The following NFATC3 variants were observed in gnomAD, a reference collection of about 807,000 sequenced individuals.
NFATC3 encodes nuclear factor of activated T-cells, cytoplasmic 3.
In NFATC3, 46 loss-of-function variants were observed where a neutral mutation model predicts 98.6. The ratio of observed to expected loss-of-function variants is 0.47; its 90% CI spans 0.37 to 0.60. The LOEUF (loss-of-function observed/expected upper bound fraction) is 0.60. Ranked by LOEUF, NFATC3 falls within the 20% of genes least tolerant of loss-of-function variation. The pLI is 0.00. For missense variants in NFATC3, 1,256 were observed against 1,295.5 expected, an observed-to-expected ratio of 0.97 and a Z score of 0.47; for synonymous variants, 512 against 472.2, an observed-to-expected ratio of 1.08 and a Z score of -1.09.
At chr16:68,184,066 G>A (rs1194289490) in intron 8 of NFATC3, among the ~76,000 whole-genome samples, 2 of 150,010 alleles carry the variant, frequency 1.3e-5, no homozygotes, top group African/African-American at 2.4e-5. Flanking sequence ...TCAGACTTGT[G>A]TTTCAAAATC....
intron 8 of NFATC3, among the ~76,000 whole-genome samples, chr16:68,189,003 C>G (rs1210355447): frequency 6.6e-6 from 1 of 152,162 alleles, no homozygotes; most frequent in Non-Finnish European, 1.5e-5. Flanking sequence ...CCACTGCGCC[C>G]AGCCCCAACT....
At chr16:68,150,771 G>T (rs1191819213) in intron 3 of NFATC3, among the ~76,000 whole-genome samples, 4 of 152,178 alleles carry the variant, frequency 2.6e-5, no homozygotes, top group Admixed American at 1.3e-4. Flanking sequence ...GAGGCCAGAT[G>T]GGGGTAATTG....
chr16:68,161,074 A>G (rs1301442206), intron 4 of NFATC3, among the ~76,000 whole-genome samples: 1 of 152,206 alleles, frequency 6.6e-6, no homozygotes, highest in Non-Finnish European at 1.5e-5. Context: ...TTTCTTGAGG[A>G]AAAATATTGA....
At chr16:68,157,151 G>GA (rs202215746) in intron 3 of NFATC3, among the ~76,000 whole-genome samples, 70 of 139,914 alleles carry the variant, frequency 5.0e-4, no homozygotes, top group Admixed American at 1.7e-3. Flanking sequence ...CAATATAAAA[G>GA]AAAAAAAAAA....
chr16:68,091,168 TTAG>T (rs1297149919), intron 1 of NFATC3, among the ~76,000 whole-genome samples: 1 of 152,206 alleles, frequency 6.6e-6, no homozygotes, highest in Non-Finnish European at 1.5e-5. Flanking sequence ...TTCTTAACTA[TTAG>T]TAGAAGTAAT....
In NFATC3 at chr16:68,121,971, G is replaced by C. The variant is rs772371265; in HGVS notation, c.104-16G>C. ...TGTTTTGTTGGGTTTTTTTTTTTTT[G>C]CCTTCCTCCCCGTAGATCTTGAGCC... On this transcript the variant is annotated splice_polypyrimidine_tract_variant and intron_variant, in intron 1 of 9. Coordinates refer to ENST00000346183, the MANE Select transcript of NFATC3 (RefSeq NM_173165.3). 1.6e-6 allele frequency: 2 copies of C among 1,268,658 alleles called. No individual in the cohort carries two copies. Among genetic ancestry groups the C allele is most frequent in the Admixed American group, 3.2e-5 (1 of 31,114 alleles). The allele number at this position is 1,268,658 out of a possible 1,614,324, so 78.6% of individuals were successfully genotyped here.
At chr16:68,089,190 G>C (rs2034566136) in intron 1 of NFATC3, 12 of 985,384 alleles carry the variant, frequency 1.2e-5, no homozygotes, top group Non-Finnish European at 1.4e-5. Context: ...GAAGATTTTT[G>C]AAAAATAGTG....
At chr16:68,222,283 C>T (rs2041892278) in intron 9 of NFATC3, among the ~76,000 whole-genome samples, 1 of 72,154 alleles carries the variant, frequency 1.4e-5, no homozygotes, top group Admixed American at 2.1e-4. Context: ...AGTGAGACCC[C>T]ATTGCCAAAA....
At chr16:68,191,802 A>T (rs1283902087) in intron 9 of NFATC3, 27 bp downstream of exon 9, 1 of 1,610,536 alleles carries the variant, frequency 6.2e-7, no homozygotes, top group Non-Finnish European at 8.5e-7. Flanking sequence ...TATGTTCTTG[A>T]AGTAGTGAAG....
At chr16:68,176,340 T>C (rs1034540138) in intron 6 of NFATC3, among the ~76,000 whole-genome samples, 10 of 151,728 alleles carry the variant, frequency 6.6e-5, no homozygotes, top group Non-Finnish European at 1.2e-4. Flanking sequence ...ACAACCTAAA[T>C]GCTCAACATC....
chr16:68,089,927 T>C (rs994391719), intron 1 of NFATC3, among the ~76,000 whole-genome samples: 3 of 152,216 alleles, frequency 2.0e-5, no homozygotes, highest in African/African-American at 4.8e-5. Flanking sequence ...TACTGTTTTT[T>C]CAAAGGGGAG....
chr16:68,214,523 G>T (rs1205682493), intron 9 of NFATC3: 8 of 994,528 alleles, frequency 8.0e-6, no homozygotes, highest in Non-Finnish European at 1.3e-5. Flanking sequence ...CAGAGGAGGG[G>T]GTATGCACGG....
chr16:68,204,749 A>G (rs73612246), intron 9 of NFATC3, among the ~76,000 whole-genome samples: 5,836 of 152,288 alleles, frequency 0.038, 366 homozygotes, highest in African/African-American at 0.13. Flanking sequence ...GATGTATTCT[A>G]TTTTAAAATT....
intron 1 of NFATC3, among the ~76,000 whole-genome samples, chr16:68,098,164 A>G (rs2035119218): frequency 1.3e-5 from 2 of 151,910 alleles, no homozygotes; most frequent in South Asian, 2.1e-4. Flanking sequence ...GCAGCGATGA[A>G]TATTCATGTA....
At chr16:68,121,924 A>G (rs945532733) in intron 1 of NFATC3, 63 bp from the exon 2 acceptor site, 2 of 1,494,632 alleles carry the variant, frequency 1.3e-6, no homozygotes, top group African/African-American at 2.8e-5. Flanking sequence ...AGTAATTTAT[A>G]CATCTGAGTT....
chr16:68,107,266 A>T (rs2151474476), intron 1 of NFATC3, among the ~76,000 whole-genome samples: 1 of 152,324 alleles, frequency 6.6e-6, no homozygotes, highest in East Asian at 1.9e-4. Context: ...ATACCCAGTA[A>T]TGGGATTGCT....
intron 1 of NFATC3, among the ~76,000 whole-genome samples, chr16:68,112,268 CTTTT>C (rs768228927): frequency 2.2e-3 from 174 of 77,376 alleles, no homozygotes; most frequent in African/African-American, 8.6e-3. Flanking sequence ...TAGGTTCAGT[CTTTT>C]TTTTTTTTTT....
At chr16:68,186,374 C>T (rs1472112908) in intron 8 of NFATC3, among the ~76,000 whole-genome samples, 6 of 151,972 alleles carry the variant, frequency 3.9e-5, no homozygotes, top group African/African-American at 1.5e-4. Context: ...CCTGTCTCTA[C>T]TAAAAATACA....
At chr16:68,093,094 ATC>A (rs766215191) in intron 1 of NFATC3, among the ~76,000 whole-genome samples, 1 of 152,138 alleles carries the variant, frequency 6.6e-6, no homozygotes, top group Non-Finnish European at 1.5e-5. Flanking sequence ...ACCATTTTAT[ATC>A]TGTTACTTCA....
Sources: allele counts gnomAD v4.1 joint callset (sites outside exome capture counted in the v4.1 genomes callset), GRCh38; gene constraint gnomAD v4.1.1; transcripts MANE v1.5; gene names NCBI Gene and HGNC (gene_info 2026-07-23, HGNC 2026-07-21).